RNFT2: variants seen among roughly 807,000 people sequenced by gnomAD.
The protein encoded by RNFT2 is ring finger protein, transmembrane 2, also known as E3 ubiquitin-protein ligase RNFT2.
RNFT2 carries 36 observed loss-of-function variants against 53.0 expected under a neutral mutation model. That is an observed-to-expected ratio of 0.68 (90% CI 0.52 to 0.90). The LOEUF is 0.90. RNFT2 is among the 40% of genes least tolerant of loss of function. The probability of loss-of-function intolerance (pLI) is 0.00; values close to 1 mark genes in which losing one functional copy is unlikely to be tolerated. For synonymous variants in RNFT2, 260 were observed against 253.2 expected (o/e 1.03, Z -0.26); for missense variants, 514 against 585.6 (o/e 0.88, Z 1.26).
chr12:116,744,225 C>CCAAA (rs1871786159), intron 3 of RNFT2, among the ~76,000 whole-genome samples: 1 of 100,060 alleles, frequency 1.0e-5, no homozygotes, highest in Non-Finnish European at 1.8e-5. Context: ...GACTCCTCCT[C>CCAAA]AAAAAAAAAA....
chr12:116,817,499 G>A (rs1360587476), intron 7 of RNFT2, among the ~76,000 whole-genome samples: 2 of 152,152 alleles, frequency 1.3e-5, no homozygotes, highest in African/African-American at 2.4e-5. Flanking sequence ...AAAGGTGAGA[G>A]CATAAGCTGT....
intron 7 of RNFT2, among the ~76,000 whole-genome samples, chr12:116,813,389 C>G (rs1368155895): frequency 1.3e-5 from 2 of 152,198 alleles, no homozygotes; most frequent in Non-Finnish European, 2.9e-5. Flanking sequence ...TCCTCCAGGC[C>G]TTTGCAGTGG....
rs571729894 is a variant in RNFT2, at chr12:116,749,714, A to G, written c.84-127A>G. ...CTGAGGTCCTGGGAGGAAGGACTTC[A>G]TGTGAATTTGAGGGGGACACAGCTC... On this transcript the variant is annotated intron_variant, in intron 3 of 10. Transcript: ENST00000257575. 629 of 800,310 alleles carry G rather than the reference A, an allele frequency of 7.9e-4. 3 individuals carry two copies. The highest frequency in any genetic ancestry group is 9.2e-4 in the South Asian group (52 of 56,262). The allele number at this position is 800,310 out of a possible 1,614,324, so 49.6% of individuals were successfully genotyped here. A position where few individuals can be genotyped will look rare whatever the true frequency, so the allele number is the denominator to read the frequency against.
chr12:116,789,561 G>A (rs1044133989), intron 7 of RNFT2, among the ~76,000 whole-genome samples: 11 of 146,932 alleles, frequency 7.5e-5, no homozygotes, highest in African/African-American at 2.8e-4. Context: ...GTGAGTAGAT[G>A]GATAGATGAG....
At chr12:116,774,842 C>G (rs1269599803) in intron 6 of RNFT2, among the ~76,000 whole-genome samples, 4 of 151,894 alleles carry the variant, frequency 2.6e-5, no homozygotes, top group Non-Finnish European at 4.4e-5. Flanking sequence ...GGATGAATTT[C>G]CAGCTCATGC....
chr12:116,782,482 G>A (rs988202100), intron 7 of RNFT2, among the ~76,000 whole-genome samples: 8 of 152,096 alleles, frequency 5.3e-5, no homozygotes, highest in African/African-American at 9.7e-5. Context: ...AGCCATGATC[G>A]TGCCACTGTA....
At chr12:116,841,946 TAAATATATATATAGAGAG>T (rs1877350165) in intron 10 of RNFT2, among the ~76,000 whole-genome samples, 1 of 34,816 alleles carries the variant, frequency 2.9e-5, no homozygotes, top group African/African-American at 1.2e-4. Flanking sequence ...AATATATATA[TAAATATATATATAGAGAG>T]AGAGAGAGAG....
At chr12:116,844,596 A>G (rs1266792873) in intron 10 of RNFT2, among the ~76,000 whole-genome samples, 1 of 152,226 alleles carries the variant, frequency 6.6e-6, no homozygotes, top group Non-Finnish European at 1.5e-5. Context: ...CTAAATTTGT[A>G]AATATAGACA....
chr12:116,783,407 A>T (rs1157317529), intron 7 of RNFT2, among the ~76,000 whole-genome samples: 2 of 152,188 alleles, frequency 1.3e-5, no homozygotes, highest in Non-Finnish European at 2.9e-5. Context: ...CTCCCTTGTT[A>T]GATAATGACA....
In RNFT2 at chr12:116,849,375, G is replaced by A; in HGVS notation, c.1262G>A (p.Cys421Tyr). 1.3e-6 allele frequency: 2 copies of A among 1,554,514 alleles called. No individual in the cohort carries two copies. Among genetic ancestry groups the A allele is most frequent in the Non-Finnish European group, 1.7e-6 (2 of 1,153,634 alleles). Reference sequence around the variant, plus strand: ...GACCGTGAGCGCACCTGCCCGCTCTGCCGCTCGGTCGCCGTGGACACCCTG... The same window carrying A: ...GACCGTGAGCGCACCTGCCCGCTCTACCGCTCGGTCGCCGTGGACACCCTG... ...WLDRERTCPL[C>Y]RSVAVDTLRC... is the part of the protein sequence containing the mutation. The change falls in exon 11 of 11, where the codon TGC (cysteine) becomes TAC (tyrosine). Residue 421 changes from cysteine to tyrosine, a missense_variant. Physicochemically the swap from Cys to Tyr is radical, Grantham distance 194. This residue lies in a region of RNFT2 where 273 missense variants were observed against 334.4 expected (regional missense o/e 0.82). Coordinates refer to ENST00000257575, the MANE Select transcript of RNFT2 (RefSeq NM_001382266.1).
intron 6 of RNFT2, among the ~76,000 whole-genome samples, chr12:116,767,230 CT>C (rs1005647155): frequency 6.6e-6 from 1 of 151,002 alleles, no homozygotes; most frequent in Non-Finnish European, 1.5e-5. Flanking sequence ...GTTTGTTTTG[CT>C]TTTTTTTTGA....
rs556047166 is a variant in RNFT2 at position 116,830,324 on chromosome 12, G to A, written c.883-3468G>A. 1.3e-5 allele frequency among the ~76,000 whole-genome samples: 2 copies of A among 152,162 alleles called. 1 individual carries two copies. Among genetic ancestry groups the A allele is most frequent in the Admixed American group, 1.3e-4 (2 of 15,276 alleles). On this transcript the variant is annotated intron_variant, in intron 7 of 10. Coordinates refer to ENST00000257575, the MANE Select transcript of RNFT2 (RefSeq NM_001382266.1). ...TGTTTTCGAGACAGGGTCTTACTCT[G>A]TCACCCAGGCTGGAGTGCAGTGGCA... is the stretch of plus-strand genomic sequence containing the variant.
chr12:116,853,599 C>G lies in RNFT2; in HGVS notation c.*4151C>G, dbSNP rs1878027196. 1 of 165,472 alleles carries G rather than the reference C, an allele frequency of 6.0e-6. No homozygotes were observed. Among genetic ancestry groups the G allele is most frequent in the African/African-American group, 2.4e-5 (1 of 42,070 alleles). 10.3% of individuals were successfully genotyped at this position (165,472 alleles called of 1,614,324 possible). On this transcript the variant is annotated 3_prime_UTR_variant, in exon 11 of 11. Transcript: ENST00000257575. ...GGTGTTTTAATGTCTCCCAAAGTAC[C>G]CTTCAGCCAATAAATACCATCTGTT...
At chr12:116,827,200 A>G (rs940294889) in intron 7 of RNFT2, among the ~76,000 whole-genome samples, 7 of 150,360 alleles carry the variant, frequency 4.7e-5, no homozygotes, top group Non-Finnish European at 1.0e-4. Context: ...AGCCTAGGCA[A>G]CAGGGTGAGA....
chr12:116,754,150 C>A, intron 5 of RNFT2, 90 bp downstream of exon 5: 1 of 1,005,100 alleles, frequency 9.9e-7, no homozygotes, highest in South Asian at 1.3e-5. Flanking sequence ...CTCCAGAGTT[C>A]ATTGTATCAT....
intron 3 of RNFT2, among the ~76,000 whole-genome samples, chr12:116,743,080 CAAAAAAAAAAAAAAAA>C (rs10558117): frequency 2.0e-5 from 1 of 49,416 alleles, no homozygotes; most frequent in Non-Finnish European, 3.5e-5. Flanking sequence ...GACCCTATCT[CAAAAAAAAAAAAAAAA>C]AAAAAAAAAA....
At chr12:116,778,548 C>T (rs1312978199) in intron 6 of RNFT2, among the ~76,000 whole-genome samples, 1 of 152,176 alleles carries the variant, frequency 6.6e-6, no homozygotes, top group Admixed American at 6.5e-5. Context: ...GAACCCTGGG[C>T]TAAATAAAAC....
At chr12:116,809,010 C>T (rs1452109931) in intron 7 of RNFT2, among the ~76,000 whole-genome samples, 1 of 152,224 alleles carries the variant, frequency 6.6e-6, no homozygotes, top group Non-Finnish European at 1.5e-5. Flanking sequence ...TCCCAAGGCC[C>T]ACCCTTCTGT....
chr12:116,805,786 T>C (rs1254019751), intron 7 of RNFT2, among the ~76,000 whole-genome samples: 1 of 152,212 alleles, frequency 6.6e-6, no homozygotes, highest in East Asian at 1.9e-4. Context: ...GATGCTGAAG[T>C]CCTGAGGCAG....
Sources: gnomAD v4.1 joint callset for allele counts (sites outside exome capture counted in the v4.1 genomes callset) on GRCh38, gnomAD v4.1.1 for gene constraint, gnomAD v4.1.1 regional missense constraint, MANE v1.5 for transcripts, NCBI Gene and HGNC (gene_info 2026-07-23, HGNC 2026-07-21) for gene names.